Variants in DACH2 observed in about 807,000 individuals in gnomAD.
DACH2 encodes dachshund homolog 2.
In DACH2, 17 loss-of-function variants were observed where a neutral mutation model predicts 35.8. That is an observed-to-expected ratio of 0.48 (90% CI 0.33 to 0.71). The LOEUF (loss-of-function observed/expected upper bound fraction) is 0.71, where lower values mean the gene tolerates loss of function less well. Ranked by LOEUF, DACH2 falls within the 30% of genes least tolerant of loss-of-function variation. DACH2 has a pLI of 0.02. For synonymous variants in DACH2, 195 were observed against 177.3 expected (o/e 1.10, Z -0.79); for missense variants, 469 against 472.7 (o/e 0.99, Z 0.07).
intron 3 of DACH2, among the ~76,000 whole-genome samples, chrX:86,615,706 C>T (rs531487863): frequency 4.5e-5 from 5 of 110,896 alleles, no homozygotes; most frequent in African/African-American, 1.6e-4. Context: ...CATCCTGTAA[C>T]CGGTATTATA....
At chrX:86,608,404 A>G (rs1267605200) in intron 3 of DACH2, among the ~76,000 whole-genome samples, 2 of 111,807 alleles carry the variant, frequency 1.8e-5, no homozygotes, top group Admixed American at 1.9e-4. Flanking sequence ...TGACCCAGCC[A>G]TCCCATTACT....
intron 1 of DACH2, among the ~76,000 whole-genome samples, chrX:86,289,680 T>G (rs1225103758): frequency 3.8e-5 from 4 of 105,310 alleles, no homozygotes; most frequent in Non-Finnish European, 7.8e-5. Context: ...TGTTTGGTTT[T>G]TTCTTCTTGC....
At chrX:86,497,539 A>G (rs1367072461) in intron 2 of DACH2, among the ~76,000 whole-genome samples, 1 of 111,455 alleles carries the variant, frequency 9.0e-6, no homozygotes, top group African/African-American at 3.3e-5. Context: ...GAGGAGCCCT[A>G]CAACATGGCA....
chrX:86,336,669 C>T (rs2035317407), intron 1 of DACH2, among the ~76,000 whole-genome samples: 1 of 111,054 alleles, frequency 9.0e-6, no homozygotes, highest in Non-Finnish European at 1.9e-5. Context: ...GCCTCTTCTC[C>T]TCCAAAGGAT....
At chrX:86,483,853 A>G (rs958147864) in intron 2 of DACH2, among the ~76,000 whole-genome samples, 2 of 110,719 alleles carry the variant, frequency 1.8e-5, no homozygotes, top group Non-Finnish European at 3.8e-5. Context: ...CAGTCAGGAA[A>G]AGTTATGAGT....
chrX:86,667,545 G>GAAAGAAAGAA, intron 4 of DACH2, among the ~76,000 whole-genome samples: 1 of 31,364 alleles, frequency 3.2e-5, no homozygotes. Context: ...AAGAAAGAAA[G>GAAAGAAAGAA]AAGAAAGAAA....
intron 2 of DACH2, among the ~76,000 whole-genome samples, chrX:86,397,625 C>T (rs1602474668): frequency 9.0e-6 from 1 of 111,600 alleles, no homozygotes; most frequent in African/African-American, 3.3e-5. Context: ...TGTCAAAGGC[C>T]TTTTCTGCAT....
At chrX:86,221,392 G>T (rs2032707648) in intron 1 of DACH2, among the ~76,000 whole-genome samples, 1 of 111,378 alleles carries the variant, frequency 9.0e-6, no homozygotes, top group African/African-American at 3.3e-5. Flanking sequence ...TTAATTCTGA[G>T]CTCTCTATTC....
At chrX:86,433,557 A>G (rs936594014) in intron 2 of DACH2, among the ~76,000 whole-genome samples, 1 of 111,894 alleles carries the variant, frequency 8.9e-6, no homozygotes, top group African/African-American at 3.2e-5. Flanking sequence ...GGTAGCTAGA[A>G]CTTTAATTAG....
At chrX:86,656,873 A>G (rs1387279156) in intron 4 of DACH2, among the ~76,000 whole-genome samples, 2 of 97,882 alleles carry the variant, frequency 2.0e-5, no homozygotes, top group Non-Finnish European at 4.1e-5. Context: ...ATATATATAT[A>G]TATATATATA....
At chrX:86,812,443 T>A (rs1293522309) in intron 7 of DACH2, among the ~76,000 whole-genome samples, 1 of 111,941 alleles carries the variant, frequency 8.9e-6, no homozygotes, top group Non-Finnish European at 1.9e-5. Flanking sequence ...TTTTATTGTA[T>A]GTAAATTATT....
chrX:86,326,206 G>T (rs1039853994), intron 1 of DACH2, among the ~76,000 whole-genome samples: 1 of 110,777 alleles, frequency 9.0e-6, no homozygotes, highest in Non-Finnish European at 1.9e-5. Context: ...GCTGGGTGCG[G>T]TGGCTCACGC....
intron 2 of DACH2, among the ~76,000 whole-genome samples, chrX:86,401,082 G>T (rs1044119581): frequency 6.3e-5 from 7 of 111,967 alleles, no homozygotes; most frequent in African/African-American, 2.3e-4. Context: ...GCAATGGCAG[G>T]CGCTCCTCCC....
chrX:86,310,688 A>T (rs991979643), intron 1 of DACH2, among the ~76,000 whole-genome samples: 4 of 111,676 alleles, frequency 3.6e-5, no homozygotes, highest in Non-Finnish European at 7.5e-5. Context: ...CTGGATGGTC[A>T]GGGACTTGCA....
chrX:86,577,582 T>C (rs1311501916), intron 3 of DACH2, among the ~76,000 whole-genome samples: 1 of 111,949 alleles, frequency 8.9e-6, no homozygotes, highest in Admixed American at 9.5e-5. Flanking sequence ...TCTTTAATGA[T>C]TTCCTGGCAT....
intron 3 of DACH2, among the ~76,000 whole-genome samples, chrX:86,541,448 A>G (rs753312029): frequency 2.0e-4 from 22 of 111,305 alleles, no homozygotes; most frequent in Non-Finnish European, 4.0e-4. Context: ...GAATATATAC[A>G]TATTTATACA....
chrX:86,292,536 C>A (rs1253558562), intron 1 of DACH2, among the ~76,000 whole-genome samples: 2 of 111,220 alleles, frequency 1.8e-5, no homozygotes, highest in African/African-American at 6.6e-5. Flanking sequence ...AATTTTGGAT[C>A]TTTCCTGTTT....
At chrX:86,719,932 C>CTTTTTTT (rs57079697) in intron 6 of DACH2, among the ~76,000 whole-genome samples, 3 of 75,575 alleles carry the variant, frequency 4.0e-5, no homozygotes, top group Admixed American at 2.1e-4. Context: ...TTTCTTTTTT[C>CTTTTTTT]TTTTTTTTTT....
intron 1 of DACH2, among the ~76,000 whole-genome samples, chrX:86,291,088 CT>C (rs1384213395): frequency 1.1e-4 from 11 of 101,730 alleles, no homozygotes; most frequent in Non-Finnish European, 2.0e-5. Flanking sequence ...TTTGTATCCT[CT>C]TTTATTTCCT....
Sources: allele counts gnomAD v4.1 joint callset (sites outside exome capture counted in the v4.1 genomes callset), GRCh38; gene constraint gnomAD v4.1.1; transcripts MANE v1.5; gene names NCBI Gene and HGNC (gene_info 2026-07-23, HGNC 2026-07-21).